Variants in TCF7L2 observed in about 807,000 individuals in gnomAD.
The protein encoded by TCF7L2 is transcription factor 7 like 2, also known as transcription factor 7-like 2.
A neutral mutation model predicts 77.9 loss-of-function variants in TCF7L2; 23 were observed. That is an observed-to-expected ratio of 0.30 (90% CI 0.21 to 0.42). TCF7L2 has a LOEUF of 0.42. Among genes scored for constraint, TCF7L2 ranks in the 10% least tolerant of loss-of-function variants. The probability of loss-of-function intolerance (pLI) is 1.00; values close to 1 mark genes in which losing one functional copy is unlikely to be tolerated. For synonymous variants in TCF7L2, 413 were observed against 340.2 expected (o/e 1.21, Z -2.36); for missense variants, 654 against 793.1 (o/e 0.82, Z 2.11).
At position 113,151,269 on chromosome 10, in the gene TCF7L2, C is replaced by A; in HGVS notation, c.1001+146C>A. ...CCCAGCCTGTGTGGGCTCTTCACTC[C>A]CTTACAAAGAGAGAGAGAGTGCACA... On this transcript the variant is annotated intron_variant, in intron 9 of 13. Coordinates refer to ENST00000627217, the MANE Select transcript of TCF7L2 (RefSeq NM_001146274.2). This position sits in a 1 kb window ranked among gnomAD's most constrained non-coding sequence, Gnocchi z 5.2. 9.3e-7 allele frequency: 1 copy of A among 1,078,104 alleles called. No homozygotes were observed. The highest frequency in any genetic ancestry group is 1.3e-6 in the Non-Finnish European group (1 of 744,498). 66.8% of individuals were successfully genotyped at this position (1,078,104 alleles called of 1,614,324 possible).
intron 4 of TCF7L2, among the ~76,000 whole-genome samples, chr10:112,982,222 C>T (rs1564741586): frequency 6.6e-6 from 1 of 151,930 alleles, no homozygotes; most frequent in Non-Finnish European, 1.5e-5. Flanking sequence ...TAATTTCCAC[C>T]ACTTTTTTTT....
intron 5 of TCF7L2, among the ~76,000 whole-genome samples, chr10:113,139,044 C>T (rs1214243648): frequency 1.3e-5 from 2 of 152,182 alleles, no homozygotes; most frequent in African/African-American, 2.4e-5. Context: ...TCAGTCCTTC[C>T]ACCCCTTAGT....
chr10:113,096,982 T>G lies in TCF7L2; in HGVS notation c.553-44202T>G, dbSNP rs1447088301. Among the ~76,000 whole-genome samples, 3 of 152,062 alleles carry G rather than the reference T, an allele frequency of 2.0e-5. No homozygotes were observed. The East Asian group carries it at 5.8e-4, about 29-fold the overall frequency. On this transcript the variant is annotated intron_variant, in intron 5 of 13. Coordinates refer to ENST00000627217, the MANE Select transcript of TCF7L2 (RefSeq NM_001146274.2). Reference sequence around the variant, plus strand: ...TGCTCCTACCCCACCGGTCACTGGGTCAGACAAGCTTAGCCTGAGCCCCGC... The same window carrying G: ...TGCTCCTACCCCACCGGTCACTGGGGCAGACAAGCTTAGCCTGAGCCCCGC...
chr10:113,060,913 C>A (rs968080663), intron 5 of TCF7L2, among the ~76,000 whole-genome samples: 11 of 152,092 alleles, frequency 7.2e-5, no homozygotes, highest in African/African-American at 2.7e-4. Context: ...GGAGTCCTGG[C>A]TGCCTCAGAA....
intron 5 of TCF7L2, among the ~76,000 whole-genome samples, chr10:113,053,152 C>T (rs1033546939): frequency 2.6e-5 from 4 of 152,032 alleles, no homozygotes; most frequent in Non-Finnish European, 5.9e-5. Flanking sequence ...TAAGGACATA[C>T]GGTGAGCTAG....
intron 5 of TCF7L2, among the ~76,000 whole-genome samples, chr10:113,065,109 G>A (rs146426216): frequency 2.1e-4 from 32 of 152,232 alleles, no homozygotes; most frequent in Non-Finnish European, 3.5e-4. Flanking sequence ...TGGGAAGCTG[G>A]GCCAGGCAGA....
chr10:113,159,921 C>T, intron 12 of TCF7L2: 1 of 1,485,358 alleles, frequency 6.7e-7, no homozygotes, highest in Non-Finnish European at 9.1e-7. Flanking sequence ...CTCATTCAGA[C>T]CTGAGCGCTC....
At chr10:113,038,522 G>A (rs993153350) in intron 4 of TCF7L2, among the ~76,000 whole-genome samples, 1 of 152,124 alleles carries the variant, frequency 6.6e-6, no homozygotes, top group African/African-American at 2.4e-5. Flanking sequence ...TCGTATCTTC[G>A]AGGAACTCCG....
intron 6 of TCF7L2, among the ~76,000 whole-genome samples, chr10:113,142,745 G>T (rs571811222): frequency 6.6e-6 from 1 of 152,216 alleles, no homozygotes; most frequent in Non-Finnish European, 1.5e-5. Flanking sequence ...GAATGGCAGC[G>T]TCAACGTCTC....
At chr10:113,018,065 A>G (rs760981040) in intron 4 of TCF7L2, among the ~76,000 whole-genome samples, 16 of 152,186 alleles carry the variant, frequency 1.1e-4, no homozygotes, top group African/African-American at 2.2e-4. Flanking sequence ...TGGGGGAACT[A>G]TGGTCACTAA....
intron 5 of TCF7L2, among the ~76,000 whole-genome samples, chr10:113,138,184 T>C (rs963136568): frequency 2.0e-5 from 3 of 152,130 alleles, no homozygotes; most frequent in African/African-American, 7.2e-5. Flanking sequence ...CTAGTCCTAG[T>C]ACAGGTCCCA....
At chr10:112,975,666 G>C (rs2135051147) in intron 4 of TCF7L2, among the ~76,000 whole-genome samples, 1 of 152,216 alleles carries the variant, frequency 6.6e-6, no homozygotes, top group East Asian at 1.9e-4. Context: ...ATTTTCAGTA[G>C]AGATGAGGTT....
chr10:113,105,379 G>C (rs1192509184), intron 5 of TCF7L2, among the ~76,000 whole-genome samples: 3 of 152,146 alleles, frequency 2.0e-5, no homozygotes, highest in Non-Finnish European at 4.4e-5. Flanking sequence ...CACCTTGAGA[G>C]CTTCTGGGAT....
At chr10:113,123,642 A>T (rs1450917811) in intron 5 of TCF7L2, among the ~76,000 whole-genome samples, 2 of 152,070 alleles carry the variant, frequency 1.3e-5, no homozygotes, top group African/African-American at 2.4e-5. Flanking sequence ...GATTACGTTG[A>T]TTTTTTTTAA....
chr10:113,102,965 C>T (rs2061831774), intron 5 of TCF7L2, among the ~76,000 whole-genome samples: 1 of 152,222 alleles, frequency 6.6e-6, no homozygotes, highest in African/African-American at 2.4e-5. Context: ...AACATGTACT[C>T]AGCACTTACT....
chr10:112,958,192 C>T (rs1366920842), intron 3 of TCF7L2, among the ~76,000 whole-genome samples: 2 of 152,100 alleles, frequency 1.3e-5, no homozygotes, highest in Non-Finnish European at 2.9e-5. Flanking sequence ...GCTAGTAATT[C>T]GACCTGTTAT....
chr10:112,952,226 T>C (rs1452708676), intron 3 of TCF7L2, among the ~76,000 whole-genome samples: 1 of 152,158 alleles, frequency 6.6e-6, no homozygotes, highest in Non-Finnish European at 1.5e-5. Flanking sequence ...TTTGGGCGAC[T>C]ATGTATTTAG....
intron 3 of TCF7L2, 38 bp downstream of exon 3, chr10:112,951,645 C>CCCGCCCGCG (rs762586956): frequency 3.7e-6 from 4 of 1,071,334 alleles, no homozygotes; most frequent in African/African-American, 1.8e-5. Context: ...CCGCTGCCCG[C>CCCGCCCGCG]CCGCCCGCGC....
At chr10:113,124,466 G>A (rs755719659) in intron 5 of TCF7L2, among the ~76,000 whole-genome samples, 3 of 152,108 alleles carry the variant, frequency 2.0e-5, no homozygotes, top group Non-Finnish European at 2.9e-5. Context: ...TTTAAAATAC[G>A]AAAAGGGGGG....
Sources: allele counts gnomAD v4.1 joint callset (sites outside exome capture counted in the v4.1 genomes callset), GRCh38; gene constraint gnomAD v4.1.1; non-coding constraint Gnocchi (gnomAD v3.1); transcripts MANE v1.5; gene names NCBI Gene and HGNC (gene_info 2026-07-23, HGNC 2026-07-21).